Variants in FAM118B observed in about 807,000 individuals in gnomAD.
FAM118B encodes the protein protein FAM118B.
A neutral mutation model predicts 38.5 loss-of-function variants in FAM118B; 24 were observed. The ratio of observed to expected loss-of-function variants is 0.62; its 90% confidence interval spans 0.45 to 0.88. The LOEUF (loss-of-function observed/expected upper bound fraction) is 0.88. FAM118B is among the 40% of genes least tolerant of loss of function. The pLI, the probability that FAM118B is intolerant of heterozygous loss-of-function variation, is 0.00. For missense variants in FAM118B, 334 were observed against 420.0 expected, an observed-to-expected ratio of 0.80 and a Z score of 1.79; for synonymous variants, 138 against 156.3, an observed-to-expected ratio of 0.88 and a Z score of 0.87.
At chr11:126,249,827 G>A (rs112776467) in intron 4 of FAM118B, among the ~76,000 whole-genome samples, 9 of 151,372 alleles carry the variant, frequency 5.9e-5, no homozygotes, top group African/African-American at 2.2e-4. Flanking sequence ...AAGGCAAGAT[G>A]AACGGAAAGT....
chr11:126,212,376 G>T (rs928485158), intron 1 of FAM118B, among the ~76,000 whole-genome samples: 7 of 152,146 alleles, frequency 4.6e-5, no homozygotes, highest in Non-Finnish European at 1.0e-4. Flanking sequence ...ACGGAGCACA[G>T]ACCTTCACTT....
chr11:126,248,010 G>T (rs1261938446), intron 4 of FAM118B, among the ~76,000 whole-genome samples: 1 of 149,404 alleles, frequency 6.7e-6, no homozygotes, highest in African/African-American at 2.5e-5. Context: ...ACAAGGCGTG[G>T]TGGCACGCAC....
chr11:126,224,457 CAG>C lies in FAM118B; in HGVS notation c.-76-4765_-76-4764del, dbSNP rs1340307930. Among the ~76,000 whole-genome samples, 3 of 116,764 alleles carry C rather than the reference CAG, an allele frequency of 2.6e-5. No individual in the cohort carries two copies. The Admixed American group carries it at 3.8e-4, about 15-fold the overall frequency. 76.6% of individuals were successfully genotyped at this position (116,764 alleles called of 152,430 possible). A position where few individuals can be genotyped will look rare whatever the true frequency, so the allele number is the denominator to read the frequency against. Reference sequence around the variant, plus strand: ...TGCCACCATGTTCCAGCCTGGGTGACAGAGCGAGACCCTGTCTCAAAAAAAAA... The same window carrying C: ...TGCCACCATGTTCCAGCCTGGGTGACAGCGAGACCCTGTCTCAAAAAAAAA... On this transcript the variant is annotated intron_variant, in intron 1 of 8. Coordinates refer to ENST00000533050, the MANE Select transcript of FAM118B (RefSeq NM_024556.4).
At chr11:126,259,966 C>T (rs540983820) in intron 7 of FAM118B, among the ~76,000 whole-genome samples, 1 of 152,084 alleles carries the variant, frequency 6.6e-6, no homozygotes, top group Non-Finnish European at 1.5e-5. Flanking sequence ...GTGATCCACC[C>T]ACCTCAGCCT....
At chr11:126,217,428 T>G (rs1949994719) in intron 1 of FAM118B, among the ~76,000 whole-genome samples, 1 of 152,258 alleles carries the variant, frequency 6.6e-6, no homozygotes, top group Non-Finnish European at 1.5e-5. Flanking sequence ...TACTTACACC[T>G]CTGTCAAATA....
chr11:126,243,898 C>A (rs1270488134), intron 4 of FAM118B, among the ~76,000 whole-genome samples: 60 of 133,620 alleles, frequency 4.5e-4, no homozygotes, highest in Non-Finnish European at 8.6e-4. Context: ...AGCAAGACTC[C>A]GTCTCAAAAA....
intron 2 of FAM118B, among the ~76,000 whole-genome samples, chr11:126,232,724 A>T (rs551059475): frequency 0.021 from 3,200 of 151,490 alleles, 47 homozygotes; most frequent in Middle Eastern, 0.082. Flanking sequence ...TTTTTTTTTA[A>T]AAAAATATAT....
rs959700783 is a variant in FAM118B at position 126,255,036 on chromosome 11, G to A, written c.696+603G>A. 6.6e-6 allele frequency among the ~76,000 whole-genome samples: 1 copy of A among 152,042 alleles called. No homozygotes were observed. Among genetic ancestry groups the A allele is most frequent in the Non-Finnish European group, 1.5e-5 (1 of 68,020 alleles). ...ACATTAGTACCCTTTATCATCATTT[G>A]GTTTATTAATAGCCCTCTCTGTGTC... On this transcript the variant is annotated intron_variant, in intron 6 of 8. Transcript: ENST00000533050. This position sits in a 1 kb window ranked among gnomAD's most constrained non-coding sequence, Gnocchi z 4.6.
chr11:126,233,343 C>T (rs1292745673), intron 2 of FAM118B, among the ~76,000 whole-genome samples: 2 of 152,032 alleles, frequency 1.3e-5, no homozygotes, highest in Admixed American at 6.6e-5. Flanking sequence ...GGCATAGTGG[C>T]GCATGCCTGT....
chr11:126,226,969 C>T (rs1950151147), intron 1 of FAM118B, among the ~76,000 whole-genome samples: 1 of 149,012 alleles, frequency 6.7e-6, no homozygotes, highest in South Asian at 2.1e-4. Flanking sequence ...AAAAAAACAC[C>T]TAGCTAGCAT....
intron 1 of FAM118B, among the ~76,000 whole-genome samples, chr11:126,222,304 T>C (rs953396612): frequency 1.3e-5 from 2 of 152,220 alleles, no homozygotes; most frequent in African/African-American, 4.8e-5. Flanking sequence ...GATGCAGCAA[T>C]ACTAATATTC....
At chr11:126,243,775 A>C (rs1950386783) in intron 4 of FAM118B, among the ~76,000 whole-genome samples, 1 of 151,926 alleles carries the variant, frequency 6.6e-6, no homozygotes, top group Non-Finnish European at 1.5e-5. Flanking sequence ...ATGGTAGTGC[A>C]TGCCTGTAAT....
intron 4 of FAM118B, among the ~76,000 whole-genome samples, chr11:126,247,031 G>T (rs566313578): frequency 1.3e-5 from 2 of 152,180 alleles, no homozygotes; most frequent in African/African-American, 4.8e-5. Flanking sequence ...GGTGGTACAC[G>T]CCTGTGGTCC....
chr11:126,261,683 C>G (rs898111304), intron 8 of FAM118B, among the ~76,000 whole-genome samples, 199 bp downstream of exon 8: 2 of 152,162 alleles, frequency 1.3e-5, no homozygotes, highest in Non-Finnish European at 2.9e-5. Context: ...GTGCAGTGAT[C>G]AGTTAATTTT....
Position 126,255,676 on chromosome 11 carries a change from A to C in FAM118B, c.697-891A>C, listed in dbSNP as rs1950567467. The stretch of plus-strand genomic sequence containing the variant: ...TTGCACAATGACCTCTGGGCACATA[A>C]ATCTAAAAAAGTACGCCTGTAATCC... On this transcript the variant is annotated intron_variant, in intron 6 of 8. Transcript: ENST00000533050. This position sits in a 1 kb window ranked among gnomAD's most constrained non-coding sequence, Gnocchi z 4.6. Among the ~76,000 whole-genome samples the C allele has an allele frequency of 6.6e-6, 1 of 152,152 alleles. No homozygotes were observed. The highest frequency in any genetic ancestry group is 2.4e-5 in the African/African-American group (1 of 41,450).
intron 2 of FAM118B, among the ~76,000 whole-genome samples, chr11:126,232,929 C>A (rs982807630): frequency 6.6e-6 from 1 of 151,950 alleles, no homozygotes; most frequent in East Asian, 1.9e-4. Context: ...TTGTTATAAG[C>A]AAACTGGGAA....
chr11:126,243,944 A>G (rs1390626747), intron 4 of FAM118B, among the ~76,000 whole-genome samples: 1 of 152,034 alleles, frequency 6.6e-6, no homozygotes, highest in African/African-American at 2.4e-5. Context: ...ATAATGCATC[A>G]TATCAATAGG....
At chr11:126,254,197 A>G (rs549348999) in intron 5 of FAM118B, 108 bp from the exon 6 acceptor site, 1 of 1,323,308 alleles carries the variant, frequency 7.6e-7, no homozygotes, top group East Asian at 2.4e-5. Flanking sequence ...ATGAAGCTAG[A>G]GAGTTTATGT....
chr11:126,241,582 T>C (rs1043944763), intron 4 of FAM118B, among the ~76,000 whole-genome samples: 3 of 152,074 alleles, frequency 2.0e-5, no homozygotes, highest in Non-Finnish European at 4.4e-5. Context: ...GGAATCTTCT[T>C]CTTGTCACCC....
Sources: gnomAD v4.1 joint callset for allele counts (sites outside exome capture counted in the v4.1 genomes callset) on GRCh38, gnomAD v4.1.1 for gene constraint, Gnocchi (gnomAD v3.1) non-coding constraint, MANE v1.5 for transcripts, NCBI Gene and HGNC (gene_info 2026-07-23, HGNC 2026-07-21) for gene names.